SGMS1: variants seen among roughly 807,000 people sequenced by gnomAD.
The protein encoded by SGMS1 is sphingomyelin synthase 1.
In SGMS1, 13 loss-of-function variants were observed where a neutral mutation model predicts 46.2. The observed-to-expected ratio is 0.28, with a 90% CI of 0.18 to 0.45. The LOEUF is 0.45. SGMS1 is among the 20% of genes least tolerant of loss of function. SGMS1 has a pLI of 1.00. For missense variants in SGMS1, 324 were observed against 519.9 expected (o/e 0.62, Z 3.66); for synonymous variants, 203 against 187.8 (o/e 1.08, Z -0.66).
intron 1 of SGMS1, among the ~76,000 whole-genome samples, chr10:50,598,875 G>C (rs1483521353): frequency 2.0e-5 from 3 of 151,870 alleles, no homozygotes; most frequent in African/African-American, 7.3e-5. Context: ...AGTCTAGGAA[G>C]ACAGCAAAAC....
intron 7 of SGMS1, among the ~76,000 whole-genome samples, chr10:50,341,047 C>T (rs940657681): frequency 2.6e-5 from 4 of 152,172 alleles, no homozygotes; most frequent in Non-Finnish European, 4.4e-5. Flanking sequence ...ATGGGGTCAA[C>T]ACTCAGAAGA....
At chr10:50,588,259 G>A (rs1030739216) in intron 2 of SGMS1, among the ~76,000 whole-genome samples, 1 of 152,186 alleles carries the variant, frequency 6.6e-6, no homozygotes, top group East Asian at 1.9e-4. Context: ...AGAAGCCACT[G>A]CTGCCCTAAA....
intron 1 of SGMS1, among the ~76,000 whole-genome samples, chr10:50,617,901 A>G (rs1392781710): frequency 9.6e-6 from 1 of 104,598 alleles, no homozygotes; most frequent in Non-Finnish European, 1.9e-5. Flanking sequence ...TTTTTTTTGT[A>G]GAGACAGGGT....
intron 2 of SGMS1, among the ~76,000 whole-genome samples, chr10:50,581,860 G>A (rs1028915404): frequency 7.2e-5 from 11 of 152,190 alleles, no homozygotes; most frequent in African/African-American, 2.7e-4. Flanking sequence ...AGGACTCACA[G>A]GTGAAGTTCT....
intron 5 of SGMS1, among the ~76,000 whole-genome samples, chr10:50,436,435 G>A (rs1849474891): frequency 1.3e-5 from 2 of 152,154 alleles, no homozygotes; most frequent in Admixed American, 1.3e-4. Context: ...CAGTGGGAGT[G>A]GGGAAGGGGT....
chr10:50,620,658 G>A (rs1264112379), intron 1 of SGMS1, among the ~76,000 whole-genome samples: 2 of 152,190 alleles, frequency 1.3e-5, no homozygotes, highest in East Asian at 3.8e-4. Flanking sequence ...GGAAGGAACA[G>A]ACAGTGATGG....
intron 8 of SGMS1, among the ~76,000 whole-genome samples, chr10:50,324,147 A>G (rs185666450): frequency 6.6e-6 from 1 of 152,200 alleles, no homozygotes; most frequent in East Asian, 1.9e-4. Flanking sequence ...CTCCTTCCAC[A>G]CCTATAACTC....
intron 3 of SGMS1, among the ~76,000 whole-genome samples, chr10:50,473,499 T>C (rs539598784): frequency 7.9e-5 from 12 of 152,290 alleles, no homozygotes; most frequent in African/African-American, 2.9e-4. Flanking sequence ...GCTATCATAA[T>C]AAACTTTCCA....
intron 6 of SGMS1, among the ~76,000 whole-genome samples, chr10:50,373,917 T>G (rs1848483160): frequency 6.6e-6 from 1 of 152,204 alleles, no homozygotes; most frequent in South Asian, 2.1e-4. Context: ...CACATAATAT[T>G]AAGAAGCTAA....
At chr10:50,531,817 T>C (rs1339226250) in intron 2 of SGMS1, among the ~76,000 whole-genome samples, 4 of 152,202 alleles carry the variant, frequency 2.6e-5, no homozygotes, top group Non-Finnish European at 5.9e-5. Context: ...ATATGCCAGA[T>C]AGCTTTAATC....
At position 50,322,566 on chromosome 10, in the gene SGMS1, C is replaced by T. The variant is rs569870826; in HGVS notation, c.741+4639G>A. Among the ~76,000 whole-genome samples, 27 of 152,234 alleles carry T rather than the reference C, an allele frequency of 1.8e-4. 1 individual carries two copies. In the South Asian group the frequency reaches 5.6e-3, roughly 32 times the overall value. ...TGAGAAGAGGGGCCGGGCGCGGTGG[C>T]TCACGCCTGTAATCCCAGCACTTTG... On this transcript the variant is annotated intron_variant, in intron 8 of 10. Coordinates refer to ENST00000361781, the MANE Select transcript of SGMS1 (RefSeq NM_147156.4).
chr10:50,439,014 T>G (rs1849508835), intron 5 of SGMS1, among the ~76,000 whole-genome samples: 1 of 152,188 alleles, frequency 6.6e-6, no homozygotes, highest in Admixed American at 6.5e-5. Flanking sequence ...TAAGACCCTA[T>G]ATGGCATACA....
upstream of SGMS1, chr10:50,624,050 G>T: frequency 1.0e-6 from 1 of 985,352 alleles, no homozygotes; most frequent in Non-Finnish European, 1.2e-6. Context: ...GGGGGGGCGG[G>T]CCGGCCGGGC....
At chr10:50,318,867 G>C (rs1847392514) in intron 8 of SGMS1, among the ~76,000 whole-genome samples, 1 of 151,912 alleles carries the variant, frequency 6.6e-6, no homozygotes, top group South Asian at 2.1e-4. Context: ...AGGGATAGGG[G>C]GTGTCTCTAA....
intron 6 of SGMS1, among the ~76,000 whole-genome samples, chr10:50,359,842 C>T (rs558913776): frequency 1.3e-5 from 2 of 152,118 alleles, no homozygotes; most frequent in South Asian, 4.1e-4. Context: ...AGGTTACAAA[C>T]AAAATGTATT....
chr10:50,485,265 G>C (rs1473941430), intron 3 of SGMS1, among the ~76,000 whole-genome samples: 2 of 152,108 alleles, frequency 1.3e-5, no homozygotes, highest in African/African-American at 4.8e-5. Context: ...GACAAGCAGA[G>C]AGCCAAATCA....
intron 6 of SGMS1, among the ~76,000 whole-genome samples, chr10:50,373,615 A>G (rs1848476765): frequency 6.6e-6 from 1 of 152,240 alleles, no homozygotes. Flanking sequence ...AAGACAAATA[A>G]GGAACAAGGA....
chr10:50,464,389 G>A (rs1172753031), intron 4 of SGMS1, among the ~76,000 whole-genome samples: 2 of 152,158 alleles, frequency 1.3e-5, no homozygotes, highest in Non-Finnish European at 2.9e-5. Flanking sequence ...ATAAGAACAA[G>A]GAAAGGTACT....
chr10:50,429,502 T>C (rs1452356782), intron 6 of SGMS1, among the ~76,000 whole-genome samples: 1 of 152,186 alleles, frequency 6.6e-6, no homozygotes, highest in African/African-American at 2.4e-5. Context: ...AGCCTCATAA[T>C]TAAGCAACTC....
Sources: allele counts gnomAD v4.1 joint callset (sites outside exome capture counted in the v4.1 genomes callset), GRCh38; gene constraint gnomAD v4.1.1; transcripts MANE v1.5; gene names NCBI Gene and HGNC (gene_info 2026-07-23, HGNC 2026-07-21).